The following DNAH10 variants were observed in gnomAD, a reference collection of about 807,000 sequenced individuals.
DNAH10 encodes axonemal beta dynein heavy chain 10.
In DNAH10, 348 loss-of-function variants were observed where a neutral mutation model predicts 506.6. That is an observed-to-expected ratio of 0.69 (90% CI 0.63 to 0.75). The LOEUF (loss-of-function observed/expected upper bound fraction) is 0.75, where lower values mean the gene tolerates loss of function less well. Ranked by LOEUF, DNAH10 falls within the 30% of genes least tolerant of loss-of-function variation. DNAH10 has a pLI of 0.00. For missense variants in DNAH10, 5,179 were observed against 5,787.1 expected (o/e 0.89, Z 3.41); for synonymous variants, 2,059 against 2,198.6 (o/e 0.94, Z 1.78).
intron 42 of DNAH10, 59 bp from the exon 43 acceptor site, chr12:123,867,844 G>A: frequency 6.5e-7 from 1 of 1,537,236 alleles, no homozygotes; most frequent in Non-Finnish European, 8.9e-7. Context: ...TTTATGACTG[G>A]AATGGACTCT....
At chr12:123,873,345 A>G (rs966179434) in intron 45 of DNAH10, among the ~76,000 whole-genome samples, 6 of 152,248 alleles carry the variant, frequency 3.9e-5, no homozygotes, top group African/African-American at 1.2e-4. Context: ...ACATGCGACA[A>G]TTCGCTATTG....
At chr12:123,839,045 C>T (rs77909495) in intron 29 of DNAH10, among the ~76,000 whole-genome samples, 9,119 of 152,156 alleles carry the variant, frequency 0.06, 393 homozygotes, top group Non-Finnish European at 0.089. Context: ...AACTCCTGAG[C>T]TCAAGCAATG....
At chr12:123,875,534 G>A (rs756773715) in intron 47 of DNAH10, 43 bp downstream of exon 47, 1 of 1,608,124 alleles carries the variant, frequency 6.2e-7, no homozygotes, top group Non-Finnish European at 8.5e-7. Context: ...AAGACCTTGT[G>A]TTGGGGGGAA....
intron 29 of DNAH10, among the ~76,000 whole-genome samples, chr12:123,839,259 A>G (rs958359980): frequency 2.0e-5 from 3 of 152,120 alleles, no homozygotes; most frequent in Non-Finnish European, 4.4e-5. Context: ...TATGAAGACT[A>G]ATATATTAAA....
intron 28 of DNAH10, among the ~76,000 whole-genome samples, chr12:123,837,298 C>T (rs1438090595): frequency 1.3e-5 from 2 of 148,900 alleles, no homozygotes; most frequent in South Asian, 2.1e-4. Flanking sequence ...GAACTGAGAT[C>T]GTGACACCAC....
intron 28 of DNAH10, among the ~76,000 whole-genome samples, chr12:123,837,178 CAA>C (rs376403371): frequency 8.7e-5 from 8 of 92,478 alleles, no homozygotes; most frequent in Admixed American, 1.2e-4. Context: ...ACTAAAAATA[CAA>C]AAAAAAAAAA....
chr12:123,925,337 C>T lies in DNAH10; in HGVS notation c.11921+133C>T, dbSNP rs1309520935. On this transcript the variant is annotated intron_variant, in intron 68 of 78. Transcript: ENST00000673944. This position sits in a 1 kb window ranked among gnomAD's most constrained non-coding sequence, Gnocchi z 4.0. ...TGTCGCCACCCTGCTGTACAATATT[C>T]GATAGCCGATATTCTAGAATTCTTC... 7.0e-6 allele frequency: 8 copies of T among 1,143,730 alleles called. No individual in the cohort carries two copies. Among genetic ancestry groups the T allele is most frequent in the East Asian group, 2.5e-5 (1 of 40,504 alleles). The allele number at this position is 1,143,730 out of a possible 1,614,324, so 70.8% of individuals were successfully genotyped here.
chr12:123,844,181 C>A (rs140711860), intron 30 of DNAH10, among the ~76,000 whole-genome samples: 2 of 152,070 alleles, frequency 1.3e-5, no homozygotes, highest in East Asian at 3.9e-4. Context: ...CTTATAAAAC[C>A]GTCAGATCTC....
chr12:123,840,433 G>A (rs1011511434), intron 29 of DNAH10, among the ~76,000 whole-genome samples: 55 of 94,606 alleles, frequency 5.8e-4, no homozygotes, highest in African/African-American at 1.9e-3. Context: ...CAGACAGGGC[G>A]TTGCTTTGTT....
chr12:123,902,461 G>A lies in DNAH10; in HGVS notation c.9641-478G>A, dbSNP rs1169971355. 2.6e-5 allele frequency among the ~76,000 whole-genome samples: 4 copies of A among 152,198 alleles called. No homozygotes were observed. Among genetic ancestry groups the A allele is most frequent in the African/African-American group, 9.7e-5 (4 of 41,438 alleles). On this transcript the variant is annotated intron_variant, in intron 56 of 78. Transcript: ENST00000673944. The surrounding 1 kb of genome is among the most constrained non-coding windows in gnomAD (Gnocchi z 4.5). ...GAAATGAAACTTCCGATTGCGATTG[G>A]TGTCATGAAGCAAGTCAGCAAGGAA...
intron 36 of DNAH10, 125 bp from the exon 37 acceptor site, chr12:123,856,931 T>C (rs908997354): frequency 1.8e-6 from 1 of 544,306 alleles, no homozygotes; most frequent in Non-Finnish European, 2.8e-6. Context: ...TTAAAAATAA[T>C]AAAATGTTTA....
rs886955432 is a variant in DNAH10 at position 123,814,852 on chromosome 12, T to C, written c.3780+940T>C. Among the ~76,000 whole-genome samples, 30 of 152,178 alleles carry C rather than the reference T, an allele frequency of 2.0e-4. 1 individual carries two copies. Among genetic ancestry groups the C allele is most frequent in the African/African-American group, 6.0e-4 (25 of 41,528 alleles). The stretch of plus-strand genomic sequence containing the variant: ...CAGGATGGTCTCGATCTCCTGACCT[T>C]GTGATCCACCCACCTTGGCCTCCCA... On this transcript the variant is annotated intron_variant, in intron 21 of 78. Coordinates refer to ENST00000673944, the MANE Select transcript of DNAH10 (RefSeq NM_001372106.1).
At position 123,869,540 on chromosome 12, in the gene DNAH10, C is replaced by T. The variant is rs1016158013; in HGVS notation, c.7520-826C>T. 5.3e-5 allele frequency among the ~76,000 whole-genome samples: 8 copies of T among 152,360 alleles called. No homozygotes were observed. The South Asian group carries it at 1.2e-3, about 24-fold the overall frequency. ...CCAAATATCTACCCTGCCCTTTCCG[C>T]GCTCTCCGCAGCTGATCTTTCTCCC... On this transcript the variant is annotated intron_variant, in intron 43 of 78. Coordinates refer to ENST00000673944, the MANE Select transcript of DNAH10 (RefSeq NM_001372106.1).
At position 123,907,612 on chromosome 12, in the gene DNAH10, A is replaced by G. The variant is rs929131326; in HGVS notation, c.9816-1649A>G. ...TGGAAGGTTCCAGTTCTGCGTCTCT[A>G]CTTCACAGATGGGGAAACTGACGCC... On this transcript the variant is annotated intron_variant, in intron 57 of 78. Transcript: ENST00000673944. This position sits in a 1 kb window ranked among gnomAD's most constrained non-coding sequence, Gnocchi z 4.4. 6.6e-5 allele frequency among the ~76,000 whole-genome samples: 10 copies of G among 152,164 alleles called. No homozygotes were observed. Among genetic ancestry groups the G allele is most frequent in the African/African-American group, 2.2e-4 (9 of 41,432 alleles).
chr12:123,826,949 G>A, intron 25 of DNAH10, 51 bp downstream of exon 25: 5 of 1,506,332 alleles, frequency 3.3e-6, no homozygotes, highest in Non-Finnish European at 4.5e-6. Flanking sequence ...GGAGCTTTTA[G>A]TTAAAATTGT....
intron 30 of DNAH10, among the ~76,000 whole-genome samples, chr12:123,843,483 G>C (rs1267650832): frequency 2.0e-5 from 3 of 152,130 alleles, no homozygotes; most frequent in Admixed American, 6.5e-5. Flanking sequence ...AGGAATCATG[G>C]ATATAAGTGA....
intron 77 of DNAH10, chr12:123,934,197 A>G: frequency 1.4e-6 from 1 of 701,190 alleles, no homozygotes; most frequent in Non-Finnish European, 2.6e-6. Context: ...CCCGGAGACC[A>G]CTTTCTCTGT....
At chr12:123,826,476 T>C (rs138614038) in intron 24 of DNAH10, among the ~76,000 whole-genome samples, 80 of 152,374 alleles carry the variant, frequency 5.3e-4, no homozygotes, top group Non-Finnish European at 9.4e-4. Context: ...AGATACAGCA[T>C]TATTTTTGCA....
intron 57 of DNAH10, among the ~76,000 whole-genome samples, chr12:123,906,079 G>A (rs1158825512): frequency 6.6e-6 from 1 of 151,340 alleles, no homozygotes; most frequent in Non-Finnish European, 1.5e-5. Flanking sequence ...CCAGACGCCC[G>A]CCACGACGCC....
Sources: gnomAD v4.1 joint callset for allele counts (sites outside exome capture counted in the v4.1 genomes callset) on GRCh38, gnomAD v4.1.1 for gene constraint, Gnocchi (gnomAD v3.1) non-coding constraint, MANE v1.5 for transcripts, NCBI Gene and HGNC (gene_info 2026-07-23, HGNC 2026-07-21) for gene names.